Variants in BRINP3 observed in about 807,000 individuals in gnomAD.
BRINP3 encodes the protein BMP/retinoic acid-inducible neural-specific protein 3.
BRINP3 carries 19 observed loss-of-function variants against 71.0 expected under a neutral mutation model. The ratio of observed to expected loss-of-function variants is 0.27; its 90% confidence interval spans 0.19 to 0.39. BRINP3 has a LOEUF of 0.39. BRINP3 is among the 10% of genes least tolerant of loss of function. The probability of loss-of-function intolerance (pLI) is 1.00; values close to 1 mark genes in which losing one functional copy is unlikely to be tolerated. For synonymous variants in BRINP3, 380 were observed against 337.7 expected (o/e 1.13, Z -1.37); for missense variants, 959 against 940.8 (o/e 1.02, Z -0.25).
Position 190,189,156 on chromosome 1 carries a change from G to C in BRINP3, c.962-28266C>G, listed in dbSNP as rs568443186. 7.2e-5 allele frequency among the ~76,000 whole-genome samples: 11 copies of C among 152,212 alleles called. 1 individual carries two copies. In the South Asian group the frequency reaches 2.3e-3, roughly 32 times the overall value. On this transcript the variant is annotated intron_variant, in intron 6 of 7. Transcript: ENST00000367462. Reference sequence around the variant, plus strand: ...TTGCTATAAGGATGATGCTGGCCTTGTTAAGTGTGATTGGAATTATTCTCT... The same window carrying C: ...TTGCTATAAGGATGATGCTGGCCTTCTTAAGTGTGATTGGAATTATTCTCT...
chr1:190,386,147 T>A (rs1571919486), intron 2 of BRINP3, among the ~76,000 whole-genome samples: 1 of 148,388 alleles, frequency 6.7e-6, no homozygotes, highest in Non-Finnish European at 1.5e-5. Flanking sequence ...GAGTTAGTGG[T>A]TGCAGCGCAC....
At chr1:190,225,082 C>T (rs1039822168) in intron 6 of BRINP3, among the ~76,000 whole-genome samples, 1 of 151,842 alleles carries the variant, frequency 6.6e-6, no homozygotes, top group Non-Finnish European at 1.5e-5. Context: ...TTTGCTCAAA[C>T]ACCTAAAGTA....
intron 3 of BRINP3, among the ~76,000 whole-genome samples, chr1:190,265,923 T>C (rs963199931): frequency 6.6e-6 from 1 of 152,158 alleles, no homozygotes; most frequent in African/African-American, 2.4e-5. Flanking sequence ...TATTGAAACA[T>C]TGTGTGTTAA....
chr1:190,469,472 G>T (rs960996288), intron 1 of BRINP3, among the ~76,000 whole-genome samples: 1 of 150,852 alleles, frequency 6.6e-6, no homozygotes, highest in Admixed American at 6.6e-5. Flanking sequence ...TCTTAAAATA[G>T]TATTTTGTGC....
At chr1:190,349,984 G>T (rs1668269568) in intron 2 of BRINP3, among the ~76,000 whole-genome samples, 2 of 152,044 alleles carry the variant, frequency 1.3e-5, no homozygotes, top group African/African-American at 4.8e-5. Flanking sequence ...GTGTTAGGGT[G>T]CAGTCAAATA....
At chr1:190,314,222 C>T (rs1665728632) in intron 2 of BRINP3, among the ~76,000 whole-genome samples, 1 of 151,964 alleles carries the variant, frequency 6.6e-6, no homozygotes, top group African/African-American at 2.4e-5. Context: ...GTAGGAACAG[C>T]TTTGGAAACA....
intron 2 of BRINP3, among the ~76,000 whole-genome samples, chr1:190,295,974 A>C (rs962554420): frequency 2.0e-5 from 3 of 151,924 alleles, no homozygotes; most frequent in Admixed American, 2.0e-4. Flanking sequence ...ATGTACCTGC[A>C]AGGTAACAAT....
intron 2 of BRINP3, among the ~76,000 whole-genome samples, chr1:190,339,049 T>TAAATAAAA (rs1416031959): frequency 3.3e-4 from 46 of 141,052 alleles, no homozygotes; most frequent in African/African-American, 1.0e-3. Flanking sequence ...AATAAATAAA[T>TAAATAAAA]AAAACAATCT....
At chr1:190,397,589 A>G (rs1490326087) in intron 2 of BRINP3, among the ~76,000 whole-genome samples, 1 of 152,022 alleles carries the variant, frequency 6.6e-6, no homozygotes, top group East Asian at 1.9e-4. Flanking sequence ...ACTCCTTAAT[A>G]TAATTATATT....
chr1:190,329,550 A>G (rs1455281980), intron 2 of BRINP3, among the ~76,000 whole-genome samples: 1 of 152,124 alleles, frequency 6.6e-6, no homozygotes, highest in African/African-American at 2.4e-5. Flanking sequence ...ACAAATGAAA[A>G]AACATTACAT....
At chr1:190,457,405 C>A (rs1676068586) in intron 1 of BRINP3, among the ~76,000 whole-genome samples, 1 of 152,070 alleles carries the variant, frequency 6.6e-6, no homozygotes, top group South Asian at 2.1e-4. Flanking sequence ...GATGACTCCA[C>A]TGCACTCCAG....
intron 2 of BRINP3, among the ~76,000 whole-genome samples, chr1:190,349,716 C>A (rs918613835): frequency 6.6e-6 from 1 of 152,014 alleles, no homozygotes; most frequent in Non-Finnish European, 1.5e-5. Flanking sequence ...TTTCTTCATA[C>A]AACATTTTAT....
chr1:190,230,652 T>C (rs1657884949), intron 5 of BRINP3, among the ~76,000 whole-genome samples: 1 of 151,856 alleles, frequency 6.6e-6, no homozygotes, highest in Non-Finnish European at 1.5e-5. Context: ...AAAAAGTATA[T>C]ATGTATGTAT....
intron 2 of BRINP3, among the ~76,000 whole-genome samples, chr1:190,441,549 TTTA>T (rs1159791160): frequency 4.0e-5 from 6 of 151,826 alleles, no homozygotes; most frequent in African/African-American, 1.4e-4. Flanking sequence ...GGATATATTT[TTTA>T]TTATTATTCT....
intron 7 of BRINP3, among the ~76,000 whole-genome samples, chr1:190,125,828 A>G (rs1654042234): frequency 6.6e-6 from 1 of 151,998 alleles, no homozygotes; most frequent in African/African-American, 2.4e-5. Flanking sequence ...GATATATTCA[A>G]CTTCTAAGGC....
chr1:190,410,150 T>A (rs1672570947), intron 2 of BRINP3, among the ~76,000 whole-genome samples: 1 of 152,074 alleles, frequency 6.6e-6, no homozygotes, highest in Non-Finnish European at 1.5e-5. Context: ...AGAAATGATA[T>A]TGACCAGGAC....
intron 7 of BRINP3, among the ~76,000 whole-genome samples, chr1:190,124,469 A>C (rs888707432): frequency 6.6e-6 from 1 of 152,116 alleles, no homozygotes; most frequent in Non-Finnish European, 1.5e-5. Context: ...AGCTGATGGC[A>C]ATAACTTATG....
chr1:190,229,441 C>A (rs1479961967), intron 5 of BRINP3, among the ~76,000 whole-genome samples: 3 of 151,928 alleles, frequency 2.0e-5, no homozygotes, highest in African/African-American at 7.3e-5. Context: ...TAAACCTATT[C>A]TCTTTAGAAA....
chr1:190,312,489 T>A (rs1665603974), intron 2 of BRINP3, among the ~76,000 whole-genome samples: 1 of 151,636 alleles, frequency 6.6e-6, no homozygotes, highest in Non-Finnish European at 1.5e-5. Flanking sequence ...AGAGCAGGCT[T>A]TCCCAAGAGT....
Sources: allele counts gnomAD v4.1 joint callset (sites outside exome capture counted in the v4.1 genomes callset), GRCh38; gene constraint gnomAD v4.1.1; transcripts MANE v1.5; gene names NCBI Gene and HGNC (gene_info 2026-07-23, HGNC 2026-07-21).